Variants in RGS12 observed in about 807,000 individuals in gnomAD.
The protein encoded by RGS12 is regulator of G protein signaling 12.
Under a neutral mutation model 120.1 loss-of-function variants are expected in RGS12, and 66 were observed. That is an observed-to-expected ratio of 0.55 (90% CI 0.45 to 0.67). The LOEUF is 0.67. Among genes scored for constraint, RGS12 ranks in the 30% least tolerant of loss-of-function variants. The probability of loss-of-function intolerance (pLI) is 0.00; values close to 1 mark genes in which losing one functional copy is unlikely to be tolerated. For missense variants in RGS12, 1,859 were observed against 1,957.7 expected (o/e 0.95, Z 0.95); for synonymous variants, 827 against 804.7 (o/e 1.03, Z -0.47).
intron 1 of RGS12, among the ~76,000 whole-genome samples, chr4:3,296,058 C>A (rs1578663984): frequency 6.7e-6 from 1 of 148,926 alleles, no homozygotes; most frequent in African/African-American, 2.6e-5. Flanking sequence ...GCCGTTCACC[C>A]CCCTGGTCAG....
intron 3 of RGS12, among the ~76,000 whole-genome samples, chr4:3,343,732 A>G (rs1414067327): frequency 1.3e-5 from 2 of 151,630 alleles, no homozygotes; most frequent in East Asian, 3.9e-4. Context: ...CGCCCTGGAA[A>G]TCCTCTATGC....
At chr4:3,416,594 C>T (rs1333866174) in intron 7 of RGS12, among the ~76,000 whole-genome samples, 2 of 152,112 alleles carry the variant, frequency 1.3e-5, no homozygotes, top group Non-Finnish European at 2.9e-5. Flanking sequence ...GATTTCTAGT[C>T]GCTTTTGGTT....
intron 2 of RGS12, among the ~76,000 whole-genome samples, chr4:3,322,198 C>G (rs1000725270): frequency 2.6e-5 from 4 of 152,172 alleles, no homozygotes; most frequent in African/African-American, 9.7e-5. Flanking sequence ...AAAGCTCTAA[C>G]CCCCTGCACA....
chr4:3,417,645 T>C, intron 9 of RGS12, 104 bp downstream of exon 9: 1 of 1,230,674 alleles, frequency 8.1e-7, no homozygotes, highest in Non-Finnish European at 1.1e-6. Context: ...ATGTGTGCAG[T>C]GAGAGGCCCT....
chr4:3,331,854 G>A, intron 2 of RGS12, among the ~76,000 whole-genome samples: 1 of 152,372 alleles, frequency 6.6e-6, no homozygotes, highest in South Asian at 2.1e-4. Context: ...TCATGGGCCT[G>A]CGGCAGAGCT....
intron 3 of RGS12, among the ~76,000 whole-genome samples, chr4:3,353,862 C>G (rs559643114): frequency 6.6e-6 from 1 of 152,014 alleles, no homozygotes; most frequent in African/African-American, 2.4e-5. Context: ...AGATAGTGTC[C>G]ATTCATACCC....
intron 1 of RGS12, among the ~76,000 whole-genome samples, chr4:3,309,002 C>T (rs1476270435): frequency 4.6e-5 from 7 of 152,152 alleles, no homozygotes; most frequent in South Asian, 2.1e-4. Context: ...TGAGGGGAAC[C>T]GGGCAGGGGA....
chr4:3,418,671 C>CCTGAG (rs1349124701), intron 9 of RGS12: 1 of 152,292 alleles, frequency 6.6e-6, no homozygotes, highest in Non-Finnish European at 1.5e-5. Context: ...CGTGGGCAGC[C>CCTGAG]CTGAGCTTCT....
At chr4:3,405,009 A>G (rs947050428) in intron 4 of RGS12, among the ~76,000 whole-genome samples, 6 of 152,274 alleles carry the variant, frequency 3.9e-5, no homozygotes, top group Non-Finnish European at 8.8e-5. Context: ...GCTTCCAAAA[A>G]AGAAAGGTGT....
At chr4:3,400,348 C>G (rs1264242452) in intron 4 of RGS12, among the ~76,000 whole-genome samples, 1 of 152,188 alleles carries the variant, frequency 6.6e-6, no homozygotes, top group East Asian at 1.9e-4. Flanking sequence ...AGGGAATTTT[C>G]CATTCATCCC....
chr4:3,400,001 T>TTGGCCAAAGCATAACACATGGTTTGCC (rs1720418543), intron 4 of RGS12, among the ~76,000 whole-genome samples: 2 of 152,206 alleles, frequency 1.3e-5, no homozygotes, highest in Non-Finnish European at 2.9e-5. Context: ...TTCACATTCA[T>TTGGCCAAAGCATAACACATGGTTTGCC]TGGCCAAAGC....
chr4:3,426,341 G>A (rs1338889462), intron 14 of RGS12, among the ~76,000 whole-genome samples: 7 of 151,148 alleles, frequency 4.6e-5, no homozygotes, highest in African/African-American at 7.3e-5. Flanking sequence ...GAGGGCAGGC[G>A]GGGCTGGCCC....
chr4:3,424,161 C>A (rs990646305), intron 13 of RGS12, among the ~76,000 whole-genome samples: 1 of 152,242 alleles, frequency 6.6e-6, no homozygotes, highest in South Asian at 2.1e-4. Flanking sequence ...GGGTGGTGAC[C>A]GCAGGTGCTG....
At chr4:3,417,569 T>G in intron 9 of RGS12, 28 bp downstream of exon 9, 3 of 1,605,970 alleles carry the variant, frequency 1.9e-6, no homozygotes, top group Non-Finnish European at 2.6e-6. Flanking sequence ...TGGGCTGTGG[T>G]GTCCAGGCCA....
intron 4 of RGS12, among the ~76,000 whole-genome samples, chr4:3,395,207 TAAA>T (rs572783032): frequency 1.5e-5 from 2 of 135,544 alleles, no homozygotes; most frequent in Non-Finnish European, 1.6e-5. Context: ...AGAGTCCATC[TAAA>T]AAAAAAAAAA....
intron 3 of RGS12, chr4:3,369,922 C>A: frequency 1.3e-6 from 1 of 745,208 alleles, no homozygotes; most frequent in Non-Finnish European, 1.7e-6. Flanking sequence ...GTGAACTGCA[C>A]CACGATGCTA....
chr4:3,374,624 C>T lies in RGS12; in HGVS notation c.1999-11792C>T, dbSNP rs1376686485. 1.3e-5 allele frequency among the ~76,000 whole-genome samples: 2 copies of T among 151,992 alleles called. No individual in the cohort carries two copies. The highest frequency in any genetic ancestry group is 1.3e-4 in the Admixed American group (2 of 15,264). On this transcript the variant is annotated intron_variant, in intron 3 of 17. Transcript: ENST00000336727. This position sits in a 1 kb window ranked among gnomAD's most constrained non-coding sequence, Gnocchi z 6.3. ...ACATCTCAGGAAGGGATGTCCCTGT[C>T]CCTTCTGCTTGAGCCCACACCCTCT...
intron 10 of RGS12, among the ~76,000 whole-genome samples, chr4:3,421,652 C>T (rs547342663): frequency 6.6e-6 from 1 of 152,338 alleles, no homozygotes; most frequent in South Asian, 2.1e-4. Flanking sequence ...CCTCACTCAG[C>T]GGAGGCCAGT....
chr4:3,338,529 C>G (rs1445677267), intron 2 of RGS12, among the ~76,000 whole-genome samples: 1 of 152,224 alleles, frequency 6.6e-6, no homozygotes, highest in African/African-American at 2.4e-5. Context: ...CCTTGGGACC[C>G]TGTAGCCAGG....
Sources: gnomAD v4.1 joint callset for allele counts (sites outside exome capture counted in the v4.1 genomes callset) on GRCh38, gnomAD v4.1.1 for gene constraint, Gnocchi (gnomAD v3.1) non-coding constraint, MANE v1.5 for transcripts, NCBI Gene and HGNC (gene_info 2026-07-23, HGNC 2026-07-21) for gene names.